The following CNGA3 variants were observed in gnomAD, a reference collection of about 807,000 sequenced individuals.
CNGA3 encodes cyclic nucleotide gated channel subunit alpha 3.
A neutral mutation model predicts 46.6 loss-of-function variants in CNGA3; 42 were observed. The ratio of observed to expected loss-of-function variants is 0.90; its 90% confidence interval spans 0.70 to 1.17. The LOEUF is 1.17. Ranked by LOEUF, CNGA3 falls within the 50% of genes most tolerant of loss-of-function variation. CNGA3 has a pLI of 0.00. For missense variants in CNGA3, 893 were observed against 890.7 expected, an observed-to-expected ratio of 1.00 and a Z score of -0.03; for synonymous variants, 394 against 369.4, an observed-to-expected ratio of 1.07 and a Z score of -0.76.
At chr2:98,390,357 T>C (rs1019383201) in intron 6 of CNGA3, among the ~76,000 whole-genome samples, 3 of 151,902 alleles carry the variant, frequency 2.0e-5, no homozygotes, top group Non-Finnish European at 4.4e-5. Context: ...CCATATTGGC[T>C]AGGCTGGTCT....
intron 5 of CNGA3, among the ~76,000 whole-genome samples, chr2:98,384,016 A>T (rs1692596079): frequency 6.6e-6 from 1 of 152,088 alleles, no homozygotes; most frequent in Non-Finnish European, 1.5e-5. Context: ...CTTCCCGAGT[A>T]GCTGGGACTA....
At chr2:98,378,056 A>G in intron 3 of CNGA3, 3 of 1,549,610 alleles carry the variant, frequency 1.9e-6, no homozygotes, top group Middle Eastern at 1.7e-4. Flanking sequence ...GTACTTGCTC[A>G]GGTTTGGAAG....
chr2:98,395,564 A>G (rs184774106), intron 7 of CNGA3, among the ~76,000 whole-genome samples: 291 of 152,332 alleles, frequency 1.9e-3, no homozygotes, highest in African/African-American at 6.8e-3. Flanking sequence ...TTAAAATTTA[A>G]TAATCATTCT....
chr2:98,388,706 G>A (rs763366893), intron 5 of CNGA3, among the ~76,000 whole-genome samples: 2 of 152,230 alleles, frequency 1.3e-5, no homozygotes, highest in Non-Finnish European at 2.9e-5. Context: ...CAAGTGGGCC[G>A]GCCACACGTA....
intron 5 of CNGA3, among the ~76,000 whole-genome samples, chr2:98,385,551 T>C (rs1692633601): frequency 1.3e-5 from 2 of 152,166 alleles, no homozygotes; most frequent in Admixed American, 1.3e-4. Flanking sequence ...TTCCTAGGCA[T>C]ATATATTGAA....
rs1348708717 is a variant in CNGA3, at chr2:98,367,440, C to T, written c.-37-2499C>T. ...CAATCTCCTAACCTTGTGATCCAGCCGCTTCGGCCTCCCAAAGTGCGGGGA... is the reference window on the plus strand; with the variant it reads ...CAATCTCCTAACCTTGTGATCCAGCTGCTTCGGCCTCCCAAAGTGCGGGGA... On this transcript the variant is annotated intron_variant, in intron 1 of 7. Coordinates refer to ENST00000272602, the MANE Select transcript of CNGA3 (RefSeq NM_001298.3). Among the ~76,000 whole-genome samples the T allele has an allele frequency of 4.6e-5, 7 of 152,186 alleles. No homozygotes were observed. The East Asian group carries it at 5.8e-4, about 13-fold the overall frequency.
chr2:98,371,194 A>AT (rs982033122), intron 2 of CNGA3, among the ~76,000 whole-genome samples: 1 of 152,080 alleles, frequency 6.6e-6, no homozygotes, highest in African/African-American at 2.4e-5. Flanking sequence ...TGTTTCTGTT[A>AT]TTTTTGCCCT....
At chr2:98,355,407 G>A (rs1384699991) in intron 1 of CNGA3, among the ~76,000 whole-genome samples, 1 of 152,048 alleles carries the variant, frequency 6.6e-6, no homozygotes, top group African/African-American at 2.4e-5. Flanking sequence ...TAAAATATAA[G>A]AGGACCCTCA....
intron 4 of CNGA3, among the ~76,000 whole-genome samples, chr2:98,382,452 G>A (rs559947237): frequency 1.3e-5 from 2 of 152,180 alleles, no homozygotes; most frequent in African/African-American, 2.4e-5. Context: ...TATCTTAGAC[G>A]GAGAGAGGGA....
At chr2:98,378,206 T>C (rs1692455451) in intron 3 of CNGA3, 1 of 1,549,442 alleles carries the variant, frequency 6.5e-7, no homozygotes, top group Non-Finnish European at 8.7e-7. Context: ...CGGGTGCTCG[T>C]CTGGACCCCA....
intron 7 of CNGA3, among the ~76,000 whole-genome samples, chr2:98,393,532 T>C (rs1692839480): frequency 6.6e-6 from 1 of 152,166 alleles, no homozygotes; most frequent in South Asian, 2.1e-4. Context: ...TTAGAAGACC[T>C]CAGATACACA....
At chr2:98,395,378 C>G (rs1287884340) in intron 7 of CNGA3, among the ~76,000 whole-genome samples, 2 of 152,162 alleles carry the variant, frequency 1.3e-5, no homozygotes. Context: ...CCATGTTGCC[C>G]AGGCTGGTCT....
intron 1 of CNGA3, chr2:98,347,147 G>T (rs1038714027): frequency 6.6e-6 from 1 of 152,400 alleles, no homozygotes; most frequent in African/African-American, 2.4e-5. Context: ...CAACCCAGGG[G>T]ACTATTTTCC....
At chr2:98,378,727 T>C (rs1692470434) in intron 3 of CNGA3, among the ~76,000 whole-genome samples, 1 of 152,196 alleles carries the variant, frequency 6.6e-6, no homozygotes, top group Non-Finnish European at 1.5e-5. Context: ...CACCTTTAAA[T>C]CAGCTCTGTA....
Position 98,389,755 on chromosome 2 carries a change from T to C in CNGA3, c.547T>C (p.Trp183Arg). Residue 183 changes from tryptophan to arginine, a missense_variant, in exon 6 of 8, where the codon TGG becomes CGG. By Grantham distance (101) the Trp-to-Arg change is moderately radical (BLOSUM62 -3). Transcript: ENST00000272602. ...CATCGCCCTGCCTGTCTTCTATAAC[T>C]GGTATCTGCTTATTTGCAGGTAAGC... ...TAIALPVFYN[W>R]YLLICRACFD... The C allele has an allele frequency of 6.2e-7, 1 of 1,613,114 alleles. No homozygotes were observed. Among genetic ancestry groups the C allele is most frequent in the African/African-American group, 1.3e-5 (1 of 75,018 alleles).
chr2:98,381,651 G>C (rs369127429), intron 4 of CNGA3, among the ~76,000 whole-genome samples: 48 of 152,272 alleles, frequency 3.2e-4, no homozygotes, highest in Middle Eastern at 6.8e-3. Flanking sequence ...CCCGGGGAAA[G>C]GTGTGAGAAT....
At chr2:98,348,238 G>A (rs1293443722) in intron 1 of CNGA3, among the ~76,000 whole-genome samples, 1 of 152,018 alleles carries the variant, frequency 6.6e-6, no homozygotes, top group Non-Finnish European at 1.5e-5. Context: ...CGGAGGGGAG[G>A]AGCGGTGGTT....
chr2:98,351,859 T>C (rs1057054558), intron 1 of CNGA3, among the ~76,000 whole-genome samples: 4 of 152,256 alleles, frequency 2.6e-5, no homozygotes, highest in Admixed American at 2.0e-4. Context: ...TCTTTTTAGA[T>C]ATAATTTTCA....
At chr2:98,383,666 G>A (rs551092120) in intron 5 of CNGA3, among the ~76,000 whole-genome samples, 1 of 152,292 alleles carries the variant, frequency 6.6e-6, no homozygotes, top group Non-Finnish European at 1.5e-5. Context: ...TGATCTCTTC[G>A]CCTCTCATTT....
Sources: allele counts gnomAD v4.1 joint callset (sites outside exome capture counted in the v4.1 genomes callset), GRCh38; gene constraint gnomAD v4.1.1; transcripts MANE v1.5; gene names NCBI Gene and HGNC (gene_info 2026-07-23, HGNC 2026-07-21).